The following PCSK5 variants were observed in gnomAD, a reference collection of about 807,000 sequenced individuals.
PCSK5 encodes prohormone convertase 5.
PCSK5 carries 129 observed loss-of-function variants against 233.2 expected under a neutral mutation model. That is an observed-to-expected ratio of 0.55 (90% CI 0.48 to 0.64). The LOEUF is 0.64. PCSK5 is among the 30% of genes least tolerant of loss of function. The pLI is 0.00. For synonymous variants in PCSK5, 825 were observed against 879.2 expected, an observed-to-expected ratio of 0.94 and a Z score of 1.09; for missense variants, 2,076 against 2,430.1, an observed-to-expected ratio of 0.85 and a Z score of 3.06.
In PCSK5 at chr9:76,044,152, ACAAAT is replaced by A. The variant is rs1395179044; in HGVS notation, c.632+17118_632+17122del. Reference sequence around the variant, plus strand: ...AAATAGCATAAGCAGAAATAAGGAAACAAATCAGATATAATTAGACCAACGTAAGG... The same window carrying A: ...AAATAGCATAAGCAGAAATAAGGAAACAGATATAATTAGACCAACGTAAGG... On this transcript the variant is annotated intron_variant, in intron 5 of 37. Transcript: ENST00000674117. Among the ~76,000 whole-genome samples, 5 of 152,242 alleles carry A rather than the reference ACAAAT, an allele frequency of 3.3e-5. No individual in the cohort carries two copies. The East Asian group carries it at 5.8e-4, about 18-fold the overall frequency.
intron 28 of PCSK5, among the ~76,000 whole-genome samples, chr9:76,308,175 C>T (rs993281739): frequency 6.6e-6 from 1 of 152,082 alleles, no homozygotes; most frequent in African/African-American, 2.4e-5. Flanking sequence ...CCAGCCTGGG[C>T]TACAGAGTGA....
At chr9:76,280,073 C>A (rs1827819996) in intron 24 of PCSK5, among the ~76,000 whole-genome samples, 1 of 152,272 alleles carries the variant, frequency 6.6e-6, no homozygotes, top group East Asian at 1.9e-4. Flanking sequence ...CCTCCAATAG[C>A]ACATCCTCAC....
intron 1 of PCSK5, among the ~76,000 whole-genome samples, chr9:75,927,267 C>T (rs1441211918): frequency 6.6e-6 from 1 of 152,094 alleles, no homozygotes; most frequent in Non-Finnish European, 1.5e-5. Context: ...GCTTTTGCCC[C>T]TTTGGTTAAT....
intron 2 of PCSK5, among the ~76,000 whole-genome samples, chr9:75,977,390 G>A (rs370082191): frequency 9.3e-5 from 9 of 96,704 alleles, no homozygotes; most frequent in African/African-American, 2.9e-4. Context: ...CCCCCCACCC[G>A]CCACATATTT....
At chr9:76,292,389 G>C in intron 25 of PCSK5, 114 bp downstream of exon 25, 1 of 718,628 alleles carries the variant, frequency 1.4e-6, no homozygotes, top group South Asian at 1.6e-5. Context: ...AAGCAACTCT[G>C]TCCTGTCAGG....
chr9:76,030,438 A>C lies in PCSK5; in HGVS notation c.632+3401A>C, dbSNP rs934284642. ...AATATTTTAGGGAAGCCACAGTCAA[A>C]GACACAATTGACAAGGAAATTTGTT... On this transcript the variant is annotated intron_variant, in intron 5 of 37. Coordinates refer to ENST00000674117, the MANE Select transcript of PCSK5 (RefSeq NM_001372043.1). 2.6e-5 allele frequency among the ~76,000 whole-genome samples: 4 copies of C among 152,194 alleles called. No homozygotes were observed. In the South Asian group the frequency reaches 8.3e-4, roughly 32 times the overall value.
intron 22 of PCSK5, 29 bp downstream of exon 22, chr9:76,233,625 G>A (rs1370063389): frequency 1.3e-6 from 2 of 1,598,756 alleles, no homozygotes; most frequent in Non-Finnish European, 1.7e-6. Context: ...TCCGTCTTCT[G>A]CACCCCAAAC....
At chr9:76,116,200 A>G (rs1832417230) in intron 9 of PCSK5, among the ~76,000 whole-genome samples, 1 of 152,116 alleles carries the variant, frequency 6.6e-6, no homozygotes, top group Non-Finnish European at 1.5e-5. Context: ...TGATTATGAC[A>G]TCTGATGTGT....
intron 24 of PCSK5, among the ~76,000 whole-genome samples, chr9:76,252,365 A>G (rs557229935): frequency 2.6e-5 from 4 of 152,336 alleles, no homozygotes; most frequent in African/African-American, 9.6e-5. Flanking sequence ...CATCATATTT[A>G]GTTTTGGCTA....
At chr9:76,140,119 C>T (rs1268042935) in intron 10 of PCSK5, among the ~76,000 whole-genome samples, 2 of 151,902 alleles carry the variant, frequency 1.3e-5, no homozygotes, top group African/African-American at 4.8e-5. Context: ...TTTGTTTTGC[C>T]CTTTCATCCC....
Position 76,240,636 on chromosome 9 carries a change from T to C in PCSK5, c.3094T>C (p.Tyr1032His). The C allele has an allele frequency of 2.5e-6, 4 of 1,578,648 alleles. No individual in the cohort carries two copies. The highest frequency in any genetic ancestry group is 3.4e-6 in the Non-Finnish European group (4 of 1,160,466). ...TGTAGGTGAAGTCCAAGACCCAGAC[T>C]ATGAAGAATGTGTCCCTTGTGAAGA... Reference protein sequence around the residue: ...CGQGEVQDPDYEECVPCEEGC... With the variant: ...CGQGEVQDPDHEECVPCEEGC... Residue 1032 changes from tyrosine (Y) to histidine (H), a missense_variant, in exon 24 of 38, where the codon TAT (tyrosine) becomes CAT (histidine). By Grantham distance (83) the Tyr-to-His change is moderately conservative. Around this residue, in one of 6 missense-constraint regions of PCSK5, gnomAD observed 1,510 missense variants for 1,538.1 expected, o/e 0.98. Transcript: ENST00000674117.
chr9:76,275,096 TA>T (rs139067016), intron 24 of PCSK5, among the ~76,000 whole-genome samples: 5,664 of 150,652 alleles, frequency 0.038, 339 homozygotes, highest in African/African-American at 0.13. Context: ...ACATTGGAGA[TA>T]AAAAAAAAAT....
At chr9:75,957,476 A>G (rs1435428315) in intron 2 of PCSK5, among the ~76,000 whole-genome samples, 1 of 152,170 alleles carries the variant, frequency 6.6e-6, no homozygotes, top group Admixed American at 6.6e-5. Context: ...ACTTGTGGGT[A>G]TAGCAAAGAA....
At chr9:76,254,007 G>A (rs953756958) in intron 24 of PCSK5, among the ~76,000 whole-genome samples, 54 of 152,122 alleles carry the variant, frequency 3.5e-4, no homozygotes, top group African/African-American at 1.3e-3. Flanking sequence ...GGTGAGCTGA[G>A]AACTCTGCTC....
At chr9:76,285,693 T>C (rs1269009934) in intron 24 of PCSK5, among the ~76,000 whole-genome samples, 5 of 152,170 alleles carry the variant, frequency 3.3e-5, no homozygotes, top group Admixed American at 3.3e-4. Context: ...CTAAACATAG[T>C]GTCTACTTCA....
chr9:76,267,963 ACAC>A (rs1274640956), intron 24 of PCSK5, among the ~76,000 whole-genome samples: 1 of 147,508 alleles, frequency 6.8e-6, no homozygotes, highest in East Asian at 1.9e-4. Context: ...ACACACACAC[ACAC>A]ACACACACAC....
chr9:76,282,984 C>T (rs956543653), intron 24 of PCSK5, among the ~76,000 whole-genome samples: 5 of 152,106 alleles, frequency 3.3e-5, no homozygotes, highest in African/African-American at 1.2e-4. Context: ...GGTAAGAAAA[C>T]TAGAATTAGA....
At chr9:76,078,803 C>T (rs924042146) in intron 7 of PCSK5, among the ~76,000 whole-genome samples, 6 of 152,038 alleles carry the variant, frequency 3.9e-5, no homozygotes, top group South Asian at 2.1e-4. Flanking sequence ...TTTGGCCATT[C>T]GGACTCTTTT....
chr9:76,090,719 T>C (rs1831250891), intron 7 of PCSK5, among the ~76,000 whole-genome samples: 1 of 152,208 alleles, frequency 6.6e-6, no homozygotes, highest in African/African-American at 2.4e-5. Flanking sequence ...AAGTCAGTTT[T>C]TTCACAGAAT....
Sources: allele counts gnomAD v4.1 joint callset (sites outside exome capture counted in the v4.1 genomes callset), GRCh38; gene constraint gnomAD v4.1.1; regional missense constraint gnomAD v4.1.1; transcripts MANE v1.5; gene names NCBI Gene and HGNC (gene_info 2026-07-23, HGNC 2026-07-21).